The following CSMD1 variants were observed in gnomAD, a reference collection of about 807,000 sequenced individuals.
The protein encoded by CSMD1 is CUB and Sushi multiple domains 1, also known as CUB and sushi domain-containing protein 1.
Under a neutral mutation model 417.5 loss-of-function variants are expected in CSMD1, and 213 were observed. The observed-to-expected ratio is 0.51, with a 90% confidence interval of 0.46 to 0.57. CSMD1 has a LOEUF of 0.57. CSMD1 is among the 20% of genes least tolerant of loss of function. The pLI is 0.00. For synonymous variants in CSMD1, 2,862 were observed against 1,736.8 expected (o/e 1.65, Z -16.11); for missense variants, 6,923 against 4,529.7 (o/e 1.53, Z -15.17).
At chr8:3,078,478 A>C (rs1365550785) in intron 49 of CSMD1, among the ~76,000 whole-genome samples, 3 of 152,228 alleles carry the variant, frequency 2.0e-5, no homozygotes, top group Non-Finnish European at 2.9e-5. Flanking sequence ...TGCAGAAAGT[A>C]ACTGATATTG....
At chr8:3,387,969 A>T (rs1811114538) in intron 17 of CSMD1, among the ~76,000 whole-genome samples, 1 of 152,196 alleles carries the variant, frequency 6.6e-6, no homozygotes, top group African/African-American at 2.4e-5. Flanking sequence ...CTTCTTGGAA[A>T]ATCAATGAAT....
intron 2 of CSMD1, among the ~76,000 whole-genome samples, chr8:4,447,295 C>G (rs1308343980): frequency 6.6e-6 from 1 of 152,060 alleles, no homozygotes; most frequent in Non-Finnish European, 1.5e-5. Flanking sequence ...CTGAGGCAGA[C>G]CGTGATCATT....
chr8:3,615,415 T>A (rs1287535590), intron 8 of CSMD1, among the ~76,000 whole-genome samples: 1 of 152,122 alleles, frequency 6.6e-6, no homozygotes, highest in Non-Finnish European at 1.5e-5. Context: ...TTCCAATAAA[T>A]CACTTCAATA....
chr8:3,294,091 C>A (rs551300530), intron 25 of CSMD1, among the ~76,000 whole-genome samples: 1 of 152,210 alleles, frequency 6.6e-6, no homozygotes, highest in East Asian at 1.9e-4. Context: ...TGGAGGTGCA[C>A]TCCGGACCCT....
intron 3 of CSMD1, among the ~76,000 whole-genome samples, chr8:4,165,984 A>T (rs746655684): frequency 3.9e-5 from 6 of 152,176 alleles, no homozygotes; most frequent in African/African-American, 1.4e-4. Context: ...AATTGAAACA[A>T]AGTTTGCAAT....
At chr8:3,346,825 G>C (rs1380297088) in intron 22 of CSMD1, among the ~76,000 whole-genome samples, 2 of 152,216 alleles carry the variant, frequency 1.3e-5, no homozygotes, top group Admixed American at 1.3e-4. Context: ...ATCATTATGT[G>C]CATCTACGTA....
At chr8:3,542,849 G>T (rs563230999) in intron 10 of CSMD1, among the ~76,000 whole-genome samples, 3 of 152,310 alleles carry the variant, frequency 2.0e-5, no homozygotes, top group South Asian at 4.1e-4. Context: ...AAAGCCCAGG[G>T]AGAGCTGCTT....
chr8:3,873,154 A>G (rs1262803108), intron 5 of CSMD1, among the ~76,000 whole-genome samples: 2 of 152,300 alleles, frequency 1.3e-5, no homozygotes, highest in East Asian at 3.9e-4. Context: ...ATGATTCCTC[A>G]AAGACCTAAA....
chr8:4,226,811 A>C (rs868824963), intron 3 of CSMD1, among the ~76,000 whole-genome samples: 1 of 152,218 alleles, frequency 6.6e-6, no homozygotes, highest in African/African-American at 2.4e-5. Context: ...GCAAGAGTAA[A>C]GTTGGGTTGT....
intron 6 of CSMD1, among the ~76,000 whole-genome samples, chr8:3,740,181 C>G (rs549238876): frequency 4.6e-5 from 7 of 152,202 alleles, no homozygotes; most frequent in African/African-American, 1.7e-4. Flanking sequence ...TCTTGGCTCA[C>G]TGCAACCCCC....
intron 13 of CSMD1, 33 bp downstream of exon 13, chr8:3,409,390 A>T: frequency 6.4e-7 from 1 of 1,572,644 alleles, no homozygotes; most frequent in Non-Finnish European, 8.7e-7. Flanking sequence ...CTTGCAGGAC[A>T]GGAGGGAGTC....
At chr8:3,916,361 C>T (rs979414096) in intron 5 of CSMD1, among the ~76,000 whole-genome samples, 6 of 152,060 alleles carry the variant, frequency 3.9e-5, no homozygotes, top group African/African-American at 1.4e-4. Context: ...GAATATCAAG[C>T]CTCTGTACAT....
intron 3 of CSMD1, among the ~76,000 whole-genome samples, chr8:4,412,746 G>A (rs1796717940): frequency 6.6e-6 from 1 of 152,114 alleles, no homozygotes; most frequent in Non-Finnish European, 1.5e-5. Flanking sequence ...ACAGCTTATA[G>A]GAATTAGACT....
Position 3,501,849 on chromosome 8 carries a change from A to G in CSMD1, c.1345-8123T>C, listed in dbSNP as rs539197234. ...ACCTGAGGTTGTAAGGGCCAATCAT[A>G]AAACAACTAAAAATGTAATTAATGA... On this transcript the variant is annotated intron_variant, in intron 10 of 69. Transcript: ENST00000635120. Among the ~76,000 whole-genome samples the G allele has an allele frequency of 1.3e-4, 20 of 152,326 alleles. 1 individual carries two copies. Among genetic ancestry groups the G allele is most frequent in the African/African-American group, 3.4e-4 (14 of 41,586 alleles).
chr8:3,635,413 G>C (rs1467312946), intron 7 of CSMD1, among the ~76,000 whole-genome samples: 1 of 151,728 alleles, frequency 6.6e-6, no homozygotes, highest in East Asian at 2.0e-4. Flanking sequence ...GAACCTGGGA[G>C]ATGGAGCTTG....
At position 4,381,926 on chromosome 8, in the gene CSMD1, A is replaced by G. The variant is rs1042159759; in HGVS notation, c.415+38027T>C. On this transcript the variant is annotated intron_variant, in intron 3 of 69. Transcript: ENST00000635120. ...CAAGACACTTGCCCACTGCAGGGAA[A>G]ACAAATTTAAGTATGTGTAGAATAA... Among the ~76,000 whole-genome samples the G allele has an allele frequency of 6.6e-5, 10 of 152,214 alleles. No homozygotes were observed. In the East Asian group the frequency reaches 1.9e-3, roughly 29 times the overall value.
chr8:3,265,508 C>T (rs1801370125), intron 26 of CSMD1, among the ~76,000 whole-genome samples: 1 of 152,048 alleles, frequency 6.6e-6, no homozygotes, highest in Non-Finnish European at 1.5e-5. Context: ...ACAGAAGGGG[C>T]TGGAGAAGGG....
chr8:4,268,996 T>G (rs1039528390), intron 3 of CSMD1, among the ~76,000 whole-genome samples: 2 of 152,212 alleles, frequency 1.3e-5, no homozygotes, highest in Non-Finnish European at 2.9e-5. Flanking sequence ...TTTTCTTAAT[T>G]TCCTGATTGC....
At chr8:4,877,339 ATAAAT>A (rs1803106639) in intron 1 of CSMD1, among the ~76,000 whole-genome samples, 1 of 152,118 alleles carries the variant, frequency 6.6e-6, no homozygotes, top group Non-Finnish European at 1.5e-5. Context: ...CAGGGTTAAG[ATAAAT>A]TATGTTATTT....
Sources: allele counts gnomAD v4.1 joint callset (sites outside exome capture counted in the v4.1 genomes callset), GRCh38; gene constraint gnomAD v4.1.1; transcripts MANE v1.5; gene names NCBI Gene and HGNC (gene_info 2026-07-23, HGNC 2026-07-21).